PER2: variants seen among roughly 807,000 people sequenced by gnomAD.
PER2 encodes the protein period circadian protein homolog 2.
In PER2, 66 loss-of-function variants were observed where a neutral mutation model predicts 121.0. That is an observed-to-expected ratio of 0.55 (90% CI 0.45 to 0.67). The LOEUF (loss-of-function observed/expected upper bound fraction) is 0.67, where lower values mean the gene tolerates loss of function less well. Ranked by LOEUF, PER2 falls within the 30% of genes least tolerant of loss-of-function variation. The probability of loss-of-function intolerance (pLI) is 0.00; values close to 1 mark genes in which losing one functional copy is unlikely to be tolerated. For missense variants in PER2, 1,521 were observed against 1,635.0 expected (o/e 0.93, Z 1.20); for synonymous variants, 684 against 659.9 (o/e 1.04, Z -0.56).
chr2:238,253,769 C>T lies in PER2; in HGVS notation c.2321-67G>A. The T allele has an allele frequency of 7.9e-7, 1 of 1,262,702 alleles. No individual in the cohort carries two copies. Among genetic ancestry groups the T allele is most frequent in the East Asian group, 2.5e-5 (1 of 39,728 alleles). The allele number at this position is 1,262,702 out of a possible 1,614,324, so 78.2% of individuals were successfully genotyped here. On this transcript the variant is annotated intron_variant, in intron 18 of 22. Transcript: ENST00000254657. This position sits in a 1 kb window ranked among gnomAD's most constrained non-coding sequence, Gnocchi z 5.6. ...CCAAATTTGAAGACACCTCTTCGTT[C>T]AACAGTCCTGGGTTTCCAAATGCTG...
In PER2 at chr2:238,255,917, A is replaced by G. The variant is rs1402677761; in HGVS notation, c.2066-6T>C. On this transcript the variant is annotated splice_polypyrimidine_tract_variant and splice_region_variant and intron_variant, in intron 17 of 22. Transcript: ENST00000254657. Reference sequence around the variant, plus strand: ...CGCAGCATCTTCCACCATCTCTGTAACACAAGAACCCAGGGCTCTGGTCCA... The same window carrying G: ...CGCAGCATCTTCCACCATCTCTGTAGCACAAGAACCCAGGGCTCTGGTCCA... The G allele has an allele frequency of 6.2e-7, 1 of 1,614,078 alleles. No homozygotes were observed. The highest frequency in any genetic ancestry group is 8.5e-7 in the Non-Finnish European group (1 of 1,180,048).
intron 12 of PER2, 199 bp downstream of exon 12, chr2:238,261,530 G>A (rs891330348): frequency 1.4e-5 from 9 of 624,416 alleles, no homozygotes; most frequent in African/African-American, 3.6e-5. Flanking sequence ...CGAATGCAAG[G>A]CTGGAGAGAG....
At chr2:238,281,424 C>T (rs748902635) in intron 1 of PER2, among the ~76,000 whole-genome samples, 1 of 152,176 alleles carries the variant, frequency 6.6e-6, no homozygotes, top group Non-Finnish European at 1.5e-5. Context: ...TCACATAAAA[C>T]CCAAAATGCC....
At chr2:238,259,707 C>T (rs1416871107) in intron 14 of PER2, among the ~76,000 whole-genome samples, 1 of 152,196 alleles carries the variant, frequency 6.6e-6, no homozygotes, top group South Asian at 2.1e-4. Flanking sequence ...GCTCCCCAGG[C>T]CTGCACACCT....
chr2:238,278,586 C>G (rs1696532721), intron 1 of PER2, among the ~76,000 whole-genome samples: 2 of 152,186 alleles, frequency 1.3e-5, no homozygotes, highest in Admixed American at 6.5e-5. Flanking sequence ...CACATGGTCC[C>G]TCTGAATAGG....
rs114881551 is a variant in PER2, at chr2:238,244,439, G to C, written c.*1936C>G. 4 of 152,410 alleles carry C rather than the reference G, an allele frequency of 2.6e-5. No individual in the cohort carries two copies. Among genetic ancestry groups the C allele is most frequent in the African/African-American group, 7.2e-5 (3 of 41,430 alleles). 9.4% of individuals were successfully genotyped at this position (152,410 alleles called of 1,614,324 possible). ...TATTAAATGATAAAATAATGCTGAT[G>C]GTAAACATTCATAACAGCAGAGTAA... On this transcript the variant is annotated 3_prime_UTR_variant, in exon 23 of 23. Transcript: ENST00000254657.
chr2:238,260,761 T>A (rs1321717931), intron 13 of PER2, 67 bp downstream of exon 13: 1 of 1,579,946 alleles, frequency 6.3e-7, no homozygotes, highest in Admixed American at 1.7e-5. Context: ...TTGTCTTGAG[T>A]GTGCTTTTTA....
chr2:238,276,374 T>C (rs932204191), intron 3 of PER2, among the ~76,000 whole-genome samples: 3 of 152,246 alleles, frequency 2.0e-5, no homozygotes, highest in Non-Finnish European at 2.9e-5. Context: ...CCCAACTGAA[T>C]GCTGGAGAAG....
chr2:238,262,913 G>A (rs373703347), intron 10 of PER2, 39 bp downstream of exon 10: 35 of 1,402,774 alleles, frequency 2.5e-5, no homozygotes, highest in South Asian at 2.3e-4. Context: ...AGGAACTTCC[G>A]CCAAACACTT....
At position 238,271,390 on chromosome 2, in the gene PER2, C is replaced by A. The variant is rs754458628; in HGVS notation, c.694G>T (p.Ala232Ser). The part of the protein sequence containing the change: ...FSDAKFVEFL[A>S]PHDVGVFHSF... ...TGGAACACGCCCACATCGTGAGGCG[C>A]CAGGAACTCCACAAACTTGGCATCG... The change falls in exon 6 of 23, where the codon GCG becomes TCG. Residue 232 changes from alanine (A) to serine (S), a missense_variant. Coordinates refer to ENST00000254657, the MANE Select transcript of PER2 (RefSeq NM_022817.3). 6.2e-7 allele frequency: 1 copy of A among 1,614,188 alleles called. No homozygotes were observed. Among genetic ancestry groups the A allele is most frequent in the Admixed American group, 1.7e-5 (1 of 60,032 alleles).
At chr2:238,298,224 T>C in the PER2 span, among the ~76,000 whole-genome samples, 1 of 151,858 alleles carries the variant, frequency 6.6e-6, no homozygotes, top group Non-Finnish European at 1.5e-5. Context: ...TTAGTAGAGA[T>C]GGGGTTTCAC....
At chr2:238,258,687 A>G in intron 14 of PER2, 43 bp from the exon 15 acceptor site, 1 of 1,596,570 alleles carries the variant, frequency 6.3e-7, no homozygotes. Context: ...TTTTTCTCCC[A>G]CAGAAAACGC....
At chr2:238,289,848 C>G (rs576781605), upstream of PER2, 32 of 152,240 alleles carry the variant, frequency 2.1e-4, 2 homozygotes, top group Non-Finnish European at 2.9e-5. Flanking sequence ...TTTAAAGTGT[C>G]AGGAGAAAGA....
chr2:238,251,075 A>C lies in PER2; in HGVS notation c.3275-332T>G, dbSNP rs1365182604. On this transcript the variant is annotated intron_variant, in intron 20 of 22. Transcript: ENST00000254657. ...CCACAGGGCACTGCAGTTTCCCACA[A>C]GGGGAGGCAGCTGGCCTGGAGCGCT... Among the ~76,000 whole-genome samples the C allele has an allele frequency of 2.0e-5, 3 of 152,234 alleles. No individual in the cohort carries two copies. The East Asian group carries it at 5.8e-4, about 29-fold the overall frequency.
intron 16 of PER2, among the ~76,000 whole-genome samples, chr2:238,257,710 G>A (rs1313134371): frequency 6.6e-6 from 1 of 152,196 alleles, no homozygotes; most frequent in African/African-American, 2.4e-5. Flanking sequence ...CTGACCTCAA[G>A]TGATCCACCC....
intron 13 of PER2, among the ~76,000 whole-genome samples, chr2:238,260,595 T>C (rs1180064423): frequency 6.6e-6 from 1 of 152,236 alleles, no homozygotes; most frequent in African/African-American, 2.4e-5. Flanking sequence ...TCTTCACTTT[T>C]GCTTGTTTTG....
intron 1 of PER2, among the ~76,000 whole-genome samples, chr2:238,286,139 A>G (rs1354293738): frequency 1.3e-5 from 2 of 152,198 alleles, no homozygotes; most frequent in Non-Finnish European, 2.9e-5. Flanking sequence ...TTTAAAGCAA[A>G]TAAAGGCAAA....
At chr2:238,274,216 C>G (rs911861377) in intron 4 of PER2, among the ~76,000 whole-genome samples, 1 of 152,248 alleles carries the variant, frequency 6.6e-6, no homozygotes, top group Non-Finnish European at 1.5e-5. Flanking sequence ...GGGTGACAAG[C>G]CTGTCTCTGG....
the PER2 span, among the ~76,000 whole-genome samples, chr2:238,296,801 T>G: frequency 2.6e-5 from 4 of 152,196 alleles, no homozygotes; most frequent in Non-Finnish European, 4.4e-5. Context: ...CCTGAGACCT[T>G]GAGCATAAAC....
Sources: gnomAD v4.1 joint callset for allele counts (sites outside exome capture counted in the v4.1 genomes callset) on GRCh38, gnomAD v4.1.1 for gene constraint, Gnocchi (gnomAD v3.1) non-coding constraint, MANE v1.5 for transcripts, NCBI Gene and HGNC (gene_info 2026-07-23, HGNC 2026-07-21) for gene names.